PDE7B: variants seen among roughly 807,000 people sequenced by gnomAD.
PDE7B encodes the protein phosphodiesterase 7B.
In PDE7B, 29 loss-of-function variants were observed where a neutral mutation model predicts 56.2. The observed-to-expected ratio is 0.52, with a 90% CI of 0.38 to 0.70. The LOEUF (loss-of-function observed/expected upper bound fraction) is 0.70, where lower values mean the gene tolerates loss of function less well. Among genes scored for constraint, PDE7B ranks in the 30% least tolerant of loss-of-function variants. The pLI, the probability that PDE7B is intolerant of heterozygous loss-of-function variation, is 0.00. For missense variants in PDE7B, 490 were observed against 565.0 expected (o/e 0.87, Z 1.35); for synonymous variants, 197 against 196.9 (o/e 1.00, Z 0.00).
chr6:136,070,430 G>A (rs1279076337), intron 2 of PDE7B: 2 of 151,872 alleles, frequency 1.3e-5, no homozygotes, highest in Non-Finnish European at 2.9e-5. Context: ...TTGCTTTCAG[G>A]CCTATATTTT....
intron 2 of PDE7B, among the ~76,000 whole-genome samples, chr6:135,972,495 G>A (rs1189481537): frequency 6.6e-5 from 10 of 152,068 alleles, no homozygotes; most frequent in Non-Finnish European, 5.9e-5. Context: ...TCTCATTTAG[G>A]TTATATGAAA....
intron 1 of PDE7B, among the ~76,000 whole-genome samples, chr6:135,910,779 C>T (rs924472771): frequency 1.3e-5 from 2 of 152,188 alleles, no homozygotes; most frequent in African/African-American, 4.8e-5. Flanking sequence ...CCTTCACCAC[C>T]CCCTGCCCCC....
intron 5 of PDE7B, among the ~76,000 whole-genome samples, chr6:136,150,411 TA>T (rs1218607813): frequency 1.3e-5 from 2 of 152,216 alleles, no homozygotes; most frequent in Non-Finnish European, 2.9e-5. Flanking sequence ...GGGTCTAATT[TA>T]ATTCTTCTGC....
At chr6:136,032,408 G>A (rs1026509609) in intron 2 of PDE7B, among the ~76,000 whole-genome samples, 2 of 152,040 alleles carry the variant, frequency 1.3e-5, no homozygotes. Context: ...ATGATTCCTG[G>A]GCTTTTATCC....
chr6:135,959,560 T>G (rs189835213), intron 2 of PDE7B, among the ~76,000 whole-genome samples: 95 of 152,240 alleles, frequency 6.2e-4, no homozygotes, highest in African/African-American at 2.2e-3. Context: ...TGTTAATAAT[T>G]AATTACACCA....
intron 2 of PDE7B, among the ~76,000 whole-genome samples, chr6:136,065,456 G>A (rs1166425592): frequency 6.6e-6 from 1 of 152,128 alleles, no homozygotes; most frequent in Non-Finnish European, 1.5e-5. Context: ...GTAGTTAATG[G>A]TATACTCTGT....
chr6:136,154,955 C>A (rs960252863), intron 7 of PDE7B, among the ~76,000 whole-genome samples: 8 of 152,182 alleles, frequency 5.3e-5, no homozygotes, highest in African/African-American at 1.9e-4. Flanking sequence ...GTGGGTGCCT[C>A]ATCCCTGCAA....
At chr6:136,045,258 T>C (rs188760284) in intron 2 of PDE7B, among the ~76,000 whole-genome samples, 31 of 152,292 alleles carry the variant, frequency 2.0e-4, no homozygotes, top group Non-Finnish European at 2.8e-4. Flanking sequence ...ACTTTATACT[T>C]CATTTTCCTG....
intron 2 of PDE7B, among the ~76,000 whole-genome samples, chr6:136,066,742 A>C (rs1015005110): frequency 6.6e-6 from 1 of 152,226 alleles, no homozygotes; most frequent in Admixed American, 6.5e-5. Flanking sequence ...ACCGAAGAAC[A>C]AAAGCAGAAG....
chr6:135,979,355 C>A (rs1412823099), intron 2 of PDE7B, among the ~76,000 whole-genome samples: 1 of 151,838 alleles, frequency 6.6e-6, no homozygotes, highest in East Asian at 1.9e-4. Flanking sequence ...GGTTGTGTCT[C>A]TGCCCGGCTT....
chr6:136,030,246 C>T (rs1435856927), intron 2 of PDE7B, among the ~76,000 whole-genome samples: 3 of 152,202 alleles, frequency 2.0e-5, no homozygotes, highest in East Asian at 1.9e-4. Context: ...GTTAACTGTA[C>T]ATATTTTTAA....
At chr6:136,005,107 G>T (rs1379165003) in intron 2 of PDE7B, among the ~76,000 whole-genome samples, 1 of 152,124 alleles carries the variant, frequency 6.6e-6, no homozygotes, top group African/African-American at 2.4e-5. Flanking sequence ...ATGGGTAAAG[G>T]ATTCCCTATT....
intron 2 of PDE7B, among the ~76,000 whole-genome samples, chr6:135,989,268 T>C (rs1300395970): frequency 1.3e-5 from 2 of 152,198 alleles, no homozygotes; most frequent in African/African-American, 4.8e-5. Flanking sequence ...TATCCGTCAC[T>C]ATATTGCTTG....
chr6:135,926,193 T>G (rs2086847324), intron 1 of PDE7B, among the ~76,000 whole-genome samples: 1 of 149,460 alleles, frequency 6.7e-6, no homozygotes, highest in Non-Finnish European at 1.5e-5. Flanking sequence ...TTCACGCCAT[T>G]CTCCTGCCTC....
chr6:136,051,230 C>T (rs896151439), intron 2 of PDE7B, among the ~76,000 whole-genome samples: 2 of 152,062 alleles, frequency 1.3e-5, no homozygotes, highest in Admixed American at 6.5e-5. Context: ...CAGTGAAATG[C>T]CATAAAATAA....
intron 1 of PDE7B, among the ~76,000 whole-genome samples, chr6:135,935,859 C>A (rs898503195): frequency 1.3e-5 from 2 of 152,196 alleles, no homozygotes; most frequent in African/African-American, 4.8e-5. Context: ...AATTTCCTTT[C>A]TGAGGCCAAA....
chr6:136,057,888 C>A (rs1047119850), intron 2 of PDE7B, among the ~76,000 whole-genome samples: 6 of 152,100 alleles, frequency 3.9e-5, no homozygotes, highest in African/African-American at 1.4e-4. Context: ...AGGCGTGCAC[C>A]ACCTCGCCTG....
At chr6:136,125,220 G>A (rs1007376927) in intron 3 of PDE7B, among the ~76,000 whole-genome samples, 2 of 152,054 alleles carry the variant, frequency 1.3e-5, no homozygotes, top group African/African-American at 4.8e-5. Flanking sequence ...ACATGTACTA[G>A]AGAAAATGTA....
chr6:135,885,715 T>G (rs2128189430), intron 1 of PDE7B, among the ~76,000 whole-genome samples: 1 of 152,296 alleles, frequency 6.6e-6, no homozygotes, highest in South Asian at 2.1e-4. Context: ...CTGGAAAGAC[T>G]GGTTGAAAAG....
Sources: gnomAD v4.1 joint callset for allele counts (sites outside exome capture counted in the v4.1 genomes callset) on GRCh38, gnomAD v4.1.1 for gene constraint, MANE v1.5 for transcripts, NCBI Gene and HGNC (gene_info 2026-07-23, HGNC 2026-07-21) for gene names.